The following SOCS7 variants were observed in gnomAD, a reference collection of about 807,000 sequenced individuals.
SOCS7 encodes the protein suppressor of cytokine signaling 7.
Under a neutral mutation model 58.9 loss-of-function variants are expected in SOCS7, and 18 were observed. The ratio of observed to expected loss-of-function variants is 0.31; its 90% CI spans 0.21 to 0.45. The LOEUF (loss-of-function observed/expected upper bound fraction) is 0.45. SOCS7 is among the 20% of genes least tolerant of loss of function. The pLI is 1.00. For synonymous variants in SOCS7, 388 were observed against 364.3 expected (o/e 1.06, Z -0.74); for missense variants, 667 against 837.3 (o/e 0.80, Z 2.51).
At chr17:38,387,937 T>C (rs1028130551) in intron 7 of SOCS7, among the ~76,000 whole-genome samples, 1 of 151,414 alleles carries the variant, frequency 6.6e-6, no homozygotes, top group Non-Finnish European at 1.5e-5. Flanking sequence ...ACCTGGCTAA[T>C]TTTTTTGTAT....
At chr17:38,358,434 TA>T (rs1555567123) in intron 1 of SOCS7, among the ~76,000 whole-genome samples, 1 of 152,184 alleles carries the variant, frequency 6.6e-6, no homozygotes, top group Non-Finnish European at 1.5e-5. Context: ...TGAATAATAA[TA>T]AAATACAAAT....
chr17:38,394,209 A>G (rs918469183), intron 7 of SOCS7, among the ~76,000 whole-genome samples: 8 of 152,172 alleles, frequency 5.3e-5, no homozygotes, highest in African/African-American at 1.7e-4. Context: ...CTGCTAATAC[A>G]TAAGGGTGTG....
chr17:38,363,935 A>G (rs2037753151), intron 2 of SOCS7, among the ~76,000 whole-genome samples: 1 of 152,124 alleles, frequency 6.6e-6, no homozygotes, highest in Admixed American at 6.5e-5. Context: ...TGTTCATATT[A>G]ATAAAATACC....
At chr17:38,389,906 T>TATAGAGAG (rs1555571102) in intron 7 of SOCS7, among the ~76,000 whole-genome samples, 16 of 103,472 alleles carry the variant, frequency 1.5e-4, no homozygotes, top group Admixed American at 6.1e-4. Context: ...TATACACATA[T>TATAGAGAG]AGAGAGAGAG....
At position 38,364,746 on chromosome 17, in the gene SOCS7, C is replaced by A. The variant is rs774057332; in HGVS notation, c.1046-6C>A. On this transcript the variant is annotated splice_polypyrimidine_tract_variant and splice_region_variant and intron_variant, in intron 2 of 9. Transcript: ENST00000612932. ...CTGTAACTTGCTTGCTCCATGAATC[C>A]CTCAGGTGAAACTGTGTCGCTTGTG... 5.6e-6 allele frequency: 9 copies of A among 1,613,024 alleles called. No homozygotes were observed. Among genetic ancestry groups the A allele is most frequent in the Non-Finnish European group, 6.8e-6 (8 of 1,179,118 alleles).
intron 6 of SOCS7, among the ~76,000 whole-genome samples, chr17:38,371,277 CT>C (rs10718633): frequency 1.0e-3 from 144 of 138,804 alleles, no homozygotes; most frequent in Admixed American, 1.6e-3. Flanking sequence ...CCATGCCCAA[CT>C]TTTTTTTTTT....
intron 6 of SOCS7, among the ~76,000 whole-genome samples, chr17:38,372,502 G>A (rs369352231): frequency 4.5e-4 from 69 of 152,184 alleles, no homozygotes; most frequent in Non-Finnish European, 5.0e-4. Context: ...GCAAGTATCC[G>A]CTTAAAATGT....
chr17:38,365,192 G>A, intron 3 of SOCS7, 116 bp from the exon 4 acceptor site: 2 of 712,324 alleles, frequency 2.8e-6, no homozygotes. Flanking sequence ...CTGGGTGAAG[G>A]TTGGGCCATC....
At chr17:38,367,505 C>T (rs2037806986) in intron 5 of SOCS7, among the ~76,000 whole-genome samples, 1 of 152,050 alleles carries the variant, frequency 6.6e-6, no homozygotes, top group Non-Finnish European at 1.5e-5. Flanking sequence ...TCCTGAATAG[C>T]TGGGATTACA....
At chr17:38,360,185 A>G (rs1385049198) in intron 1 of SOCS7, among the ~76,000 whole-genome samples, 1 of 151,034 alleles carries the variant, frequency 6.6e-6, no homozygotes, top group East Asian at 2.0e-4. Flanking sequence ...ATCAGCATGT[A>G]ACATATTTCT....
chr17:38,361,815 A>G (rs1555567644), intron 2 of SOCS7, 40 bp downstream of exon 2: 31 of 1,475,942 alleles, frequency 2.1e-5, no homozygotes, highest in Non-Finnish European at 2.8e-5. Context: ...ATCTGAAAAC[A>G]GGGGCGTTCT....
At chr17:38,395,206 A>G (rs974179819) in intron 7 of SOCS7, 103 bp from the exon 8 acceptor site, 39 of 1,224,968 alleles carry the variant, frequency 3.2e-5, no homozygotes, top group Non-Finnish European at 4.3e-5. Flanking sequence ...TATATGAACC[A>G]TAAAGAAGTC....
intron 9 of SOCS7, among the ~76,000 whole-genome samples, chr17:38,398,736 G>A (rs1440736077): frequency 6.6e-6 from 1 of 152,194 alleles, no homozygotes; most frequent in South Asian, 2.1e-4. Flanking sequence ...TCGGAAGGTG[G>A]AAGCAACAGT....
At chr17:38,381,477 A>AC (rs933188740) in intron 7 of SOCS7, among the ~76,000 whole-genome samples, 3 of 152,170 alleles carry the variant, frequency 2.0e-5, no homozygotes, top group African/African-American at 7.2e-5. Flanking sequence ...TGACAACTGA[A>AC]CACCTACAAG....
At chr17:38,378,263 C>G (rs1183479202) in intron 7 of SOCS7, among the ~76,000 whole-genome samples, 1 of 152,066 alleles carries the variant, frequency 6.6e-6, no homozygotes, top group African/African-American at 2.4e-5. Context: ...TATGGCTAGG[C>G]GTGGTGGCTC....
intron 1 of SOCS7, among the ~76,000 whole-genome samples, chr17:38,356,236 G>T (rs1394339750): frequency 6.7e-6 from 1 of 149,192 alleles, no homozygotes; most frequent in Non-Finnish European, 1.5e-5. Flanking sequence ...GGGCCCACCA[G>T]TTGGGTGTGG....
At chr17:38,382,102 T>C (rs2038010898) in intron 7 of SOCS7, among the ~76,000 whole-genome samples, 1 of 151,708 alleles carries the variant, frequency 6.6e-6, no homozygotes. Flanking sequence ...AATCTTCATC[T>C]GTAAAGTTCG....
At chr17:38,385,894 A>G (rs937051539) in intron 7 of SOCS7, among the ~76,000 whole-genome samples, 3 of 152,102 alleles carry the variant, frequency 2.0e-5, no homozygotes, top group Non-Finnish European at 2.9e-5. Flanking sequence ...CTCAGGCTTG[A>G]CTGAACATAT....
chr17:38,353,055 C>G (rs776545615), intron 1 of SOCS7, 23 bp downstream of exon 1: 25 of 1,529,864 alleles, frequency 1.6e-5, no homozygotes, highest in Non-Finnish European at 1.9e-5. Flanking sequence ...GGGGGCTGGC[C>G]GACAAACTTC....
Sources: gnomAD v4.1 joint callset for allele counts (sites outside exome capture counted in the v4.1 genomes callset) on GRCh38, gnomAD v4.1.1 for gene constraint, MANE v1.5 for transcripts, NCBI Gene and HGNC (gene_info 2026-07-23, HGNC 2026-07-21) for gene names.